Variants in GRIA1 observed in about 807,000 individuals in gnomAD.
GRIA1 encodes glutamate receptor 1.
A neutral mutation model predicts 99.2 loss-of-function variants in GRIA1; 31 were observed. That is an observed-to-expected ratio of 0.31 (90% confidence interval 0.23 to 0.42). The LOEUF is 0.42. GRIA1 is among the 10% of genes least tolerant of loss of function. The pLI is 1.00. For missense variants in GRIA1, 782 were observed against 1,157.5 expected (o/e 0.68, Z 4.71); for synonymous variants, 438 against 432.4 (o/e 1.01, Z -0.16).
intron 5 of GRIA1, among the ~76,000 whole-genome samples, chr5:153,660,519 G>T (rs1755289666): frequency 6.6e-6 from 1 of 152,148 alleles, no homozygotes; most frequent in Non-Finnish European, 1.5e-5. Flanking sequence ...TGCTGGACAG[G>T]GAGAGTTGGG....
intron 12 of GRIA1, among the ~76,000 whole-genome samples, chr5:153,766,301 C>T (rs1024967643): frequency 2.0e-5 from 3 of 152,194 alleles, no homozygotes; most frequent in Non-Finnish European, 4.4e-5. Context: ...AATTCCCTGA[C>T]ATTTTTAGCC....
intron 14 of GRIA1, among the ~76,000 whole-genome samples, chr5:153,795,803 G>T (rs1765607218): frequency 6.6e-6 from 1 of 152,026 alleles, no homozygotes; most frequent in South Asian, 2.1e-4. Context: ...CCCTTCAAAA[G>T]GCTCCATTAT....
chr5:153,652,798 T>C (rs1440903546), intron 4 of GRIA1, among the ~76,000 whole-genome samples: 1 of 152,198 alleles, frequency 6.6e-6, no homozygotes, highest in African/African-American at 2.4e-5. Context: ...ACGGTCAAAT[T>C]GATTAAGTTA....
intron 2 of GRIA1, among the ~76,000 whole-genome samples, chr5:153,638,570 T>G (rs1277466795): frequency 6.6e-6 from 1 of 152,208 alleles, no homozygotes; most frequent in African/African-American, 2.4e-5. Flanking sequence ...TCTTGAACTG[T>G]GTAAACAGTT....
chr5:153,659,892 G>C (rs1205086032), intron 5 of GRIA1, among the ~76,000 whole-genome samples: 1 of 152,192 alleles, frequency 6.6e-6, no homozygotes, highest in Non-Finnish European at 1.5e-5. Flanking sequence ...ACAATATGGT[G>C]CCTTCTAGAG....
intron 2 of GRIA1, among the ~76,000 whole-genome samples, chr5:153,625,487 C>A (rs574219975): frequency 1.3e-5 from 2 of 152,266 alleles, no homozygotes; most frequent in Non-Finnish European, 2.9e-5. Context: ...CCATACGGGG[C>A]ACTGCAGGGG....
chr5:153,523,021 T>TCC (rs961619738), intron 2 of GRIA1, among the ~76,000 whole-genome samples: 1 of 148,738 alleles, frequency 6.7e-6, no homozygotes, highest in African/African-American at 2.6e-5. Context: ...CTGATATCTC[T>TCC]CTCTCTCTCT....
chr5:153,620,417 C>T (rs1476732058), intron 2 of GRIA1, among the ~76,000 whole-genome samples: 1 of 152,150 alleles, frequency 6.6e-6, no homozygotes, highest in Non-Finnish European at 1.5e-5. Flanking sequence ...ATGACACCAT[C>T]TGTAGACTTA....
intron 11 of GRIA1, among the ~76,000 whole-genome samples, chr5:153,709,538 A>T (rs1282934354): frequency 6.6e-6 from 1 of 152,226 alleles, no homozygotes; most frequent in African/African-American, 2.4e-5. Context: ...AGACAAAGAT[A>T]ACCCAGTAAA....
chr5:153,712,053 T>C (rs1759351234), intron 11 of GRIA1, among the ~76,000 whole-genome samples: 2 of 152,002 alleles, frequency 1.3e-5, no homozygotes, highest in South Asian at 4.2e-4. Context: ...AATTTATTTA[T>C]TTATTTATTT....
At chr5:153,542,657 A>C (rs1487580580) in intron 2 of GRIA1, among the ~76,000 whole-genome samples, 1 of 152,250 alleles carries the variant, frequency 6.6e-6, no homozygotes, top group African/African-American at 2.4e-5. Flanking sequence ...TAGCAATCAC[A>C]GAGTCTAGTC....
chr5:153,696,433 C>T (rs1260205032), intron 8 of GRIA1, among the ~76,000 whole-genome samples: 1 of 152,206 alleles, frequency 6.6e-6, no homozygotes, highest in Admixed American at 6.5e-5. Context: ...AACCACTTTG[C>T]AGCTACTTCA....
chr5:153,763,805 T>C (rs1247006516), intron 11 of GRIA1, among the ~76,000 whole-genome samples: 1 of 152,232 alleles, frequency 6.6e-6, no homozygotes, highest in Non-Finnish European at 1.5e-5. Context: ...TTATCTTTTT[T>C]ATTTCAACCA....
intron 2 of GRIA1, among the ~76,000 whole-genome samples, chr5:153,592,837 C>A (rs1764085934): frequency 2.6e-5 from 4 of 152,138 alleles, no homozygotes; most frequent in Admixed American, 2.6e-4. Context: ...TTGGCAAAGA[C>A]CTGCTTCCTA....
At chr5:153,637,707 G>A (rs544788319) in intron 2 of GRIA1, among the ~76,000 whole-genome samples, 8 of 152,274 alleles carry the variant, frequency 5.3e-5, no homozygotes, top group African/African-American at 1.9e-4. Flanking sequence ...GCCAGCCCAA[G>A]AGCACAGCTC....
rs150999561 is a variant in GRIA1, at chr5:153,593,437, C to T, written c.221-53491C>T. Among the ~76,000 whole-genome samples, 1,277 of 152,202 alleles carry T rather than the reference C, an allele frequency of 8.4e-3. 19 individuals carry two copies. Among genetic ancestry groups the T allele is most frequent in the African/African-American group, 0.029 (1,218 of 41,530 alleles). On this transcript the variant is annotated intron_variant, in intron 2 of 15. Coordinates refer to ENST00000285900, the MANE Select transcript of GRIA1 (RefSeq NM_000827.4). ...TTCAATTTTAGATATTAGTTTTTGACTGTACTATGGCAGATGCAGAATATT... is the reference window on the plus strand; with the variant it reads ...TTCAATTTTAGATATTAGTTTTTGATTGTACTATGGCAGATGCAGAATATT...
intron 13 of GRIA1, among the ~76,000 whole-genome samples, chr5:153,772,080 T>C (rs145782586): frequency 1.7e-4 from 26 of 152,298 alleles, no homozygotes; most frequent in African/African-American, 5.5e-4. Context: ...ATGGAAAGCA[T>C]AAATCCTCAG....
chr5:153,735,356 T>A (rs551765476), intron 11 of GRIA1, among the ~76,000 whole-genome samples: 1 of 152,234 alleles, frequency 6.6e-6, no homozygotes, highest in South Asian at 2.1e-4. Flanking sequence ...GGCTCACAAC[T>A]CTAAGGGGGT....
rs139340917 is a variant in GRIA1, at chr5:153,705,549, G to C, written c.1453-148G>C. 1.1e-3 allele frequency: 1,024 copies of C among 918,808 alleles called. 8 individuals are homozygous for C. In the African/African-American group the frequency reaches 0.015, roughly 14 times the overall value. 56.9% of individuals were successfully genotyped at this position (918,808 alleles called of 1,614,324 possible). A position where few individuals can be genotyped will look rare whatever the true frequency, so the allele number is the denominator to read the frequency against. On this transcript the variant is annotated intron_variant, in intron 10 of 15. Coordinates refer to ENST00000285900, the MANE Select transcript of GRIA1 (RefSeq NM_000827.4). Reference sequence around the variant, plus strand: ...TCATCAAAAATATTTTATAGAGTAGGAGGGGTTGGACTTCAAAGGTTCTTT... The same window carrying C: ...TCATCAAAAATATTTTATAGAGTAGCAGGGGTTGGACTTCAAAGGTTCTTT...
Sources: allele counts gnomAD v4.1 joint callset (sites outside exome capture counted in the v4.1 genomes callset), GRCh38; gene constraint gnomAD v4.1.1; transcripts MANE v1.5; gene names NCBI Gene and HGNC (gene_info 2026-07-23, HGNC 2026-07-21).